AKAP6: variants seen among roughly 807,000 people sequenced by gnomAD.
AKAP6 encodes the protein A-kinase anchor protein 6.
AKAP6 carries 58 observed loss-of-function variants against 188.5 expected under a neutral mutation model. The observed-to-expected ratio is 0.31, with a 90% confidence interval of 0.25 to 0.38. AKAP6 has a LOEUF of 0.38. Ranked by LOEUF, AKAP6 falls within the 10% of genes least tolerant of loss-of-function variation. The pLI is 1.00. For synonymous variants in AKAP6, 989 were observed against 998.6 expected (o/e 0.99, Z 0.18); for missense variants, 2,710 against 2,740.0 (o/e 0.99, Z 0.24).
At chr14:32,589,493 AT>A (rs1885392436) in intron 5 of AKAP6, among the ~76,000 whole-genome samples, 1 of 152,178 alleles carries the variant, frequency 6.6e-6, no homozygotes, top group Non-Finnish European at 1.5e-5. Context: ...GTTTGGACAT[AT>A]GAAAGTCTTG....
chr14:32,724,445 T>C (rs1051335953), intron 9 of AKAP6, among the ~76,000 whole-genome samples: 1 of 152,218 alleles, frequency 6.6e-6, no homozygotes, highest in African/African-American at 2.4e-5. Context: ...TTCACATCCT[T>C]GGTGAAGGGA....
At chr14:32,334,394 A>G (rs945142552) in intron 1 of AKAP6, among the ~76,000 whole-genome samples, 1 of 152,094 alleles carries the variant, frequency 6.6e-6, no homozygotes, top group African/African-American at 2.4e-5. Flanking sequence ...TTGTTAAGTC[A>G]CTTAATAGCC....
chr14:32,385,022 A>G (rs1456043908), intron 1 of AKAP6: 2 of 152,014 alleles, frequency 1.3e-5, no homozygotes, highest in African/African-American at 4.8e-5. Flanking sequence ...ATCTGCAAGG[A>G]GCAAATTTGA....
At chr14:32,453,545 T>C (rs141290402) in intron 2 of AKAP6, among the ~76,000 whole-genome samples, 3,565 of 151,028 alleles carry the variant, frequency 0.024, 56 homozygotes, top group Middle Eastern at 0.041. Context: ...CCACTTGAAA[T>C]TCCTGTGGAG....
chr14:32,403,788 G>T (rs1889176887), intron 1 of AKAP6, among the ~76,000 whole-genome samples: 1 of 152,132 alleles, frequency 6.6e-6, no homozygotes, highest in Non-Finnish European at 1.5e-5. Context: ...TGCTTTTGTT[G>T]TTGTTCAACT....
intron 12 of AKAP6, among the ~76,000 whole-genome samples, chr14:32,821,073 C>T (rs1303009955): frequency 6.6e-6 from 1 of 152,136 alleles, no homozygotes; most frequent in Non-Finnish European, 1.5e-5. Context: ...CCTTCATTCA[C>T]CTGATAGTTT....
At chr14:32,751,573 T>C (rs956366932) in intron 11 of AKAP6, among the ~76,000 whole-genome samples, 5 of 148,354 alleles carry the variant, frequency 3.4e-5, no homozygotes, top group African/African-American at 1.2e-4. Context: ...ATCAGGAAAG[T>C]TTTACCCGCT....
chr14:32,789,462 AG>A (rs1208079084), intron 12 of AKAP6, among the ~76,000 whole-genome samples: 5 of 152,270 alleles, frequency 3.3e-5, no homozygotes, highest in Admixed American at 3.3e-4. Flanking sequence ...CACCTTCTAC[AG>A]GTGTGGTTGG....
chr14:32,390,996 C>A (rs1888697236), intron 1 of AKAP6, among the ~76,000 whole-genome samples: 1 of 152,086 alleles, frequency 6.6e-6, no homozygotes, highest in South Asian at 2.1e-4. Flanking sequence ...GTGCCTCACC[C>A]AGCAGGAAAA....
rs114454892 is a variant in AKAP6 at position 32,574,541 on chromosome 14, G to T, written c.2347-2579G>T. Among the ~76,000 whole-genome samples, 1,119 of 152,218 alleles carry T rather than the reference G, an allele frequency of 7.4e-3. 14 individuals carry two copies. The highest frequency in any genetic ancestry group is 0.019 in the African/African-American group (810 of 41,546). ...ACCATGCACTGACATACACACACAG[G>T]TTATTTGTGTTTGTTTTTGAAGGGG... On this transcript the variant is annotated intron_variant, in intron 4 of 13. Coordinates refer to ENST00000280979, the MANE Select transcript of AKAP6 (RefSeq NM_004274.5).
intron 3 of AKAP6, among the ~76,000 whole-genome samples, chr14:32,538,786 T>G (rs1372075762): frequency 6.6e-6 from 1 of 152,102 alleles, no homozygotes; most frequent in Admixed American, 6.6e-5. Flanking sequence ...AATTTAAGAA[T>G]AGGTTAAGTG....
At chr14:32,547,125 A>G (rs1883234784) in intron 4 of AKAP6, 126 bp downstream of exon 4, 3 of 961,448 alleles carry the variant, frequency 3.1e-6, no homozygotes. Context: ...GATTCTCCAA[A>G]GAAAGAAAAG....
chr14:32,549,453 A>G (rs1167426805), intron 4 of AKAP6, among the ~76,000 whole-genome samples: 1 of 152,154 alleles, frequency 6.6e-6, no homozygotes, highest in Non-Finnish European at 1.5e-5. Flanking sequence ...AATGAGAATG[A>G]GCATGGATAT....
At chr14:32,409,292 G>A (rs1364926966) in intron 1 of AKAP6, among the ~76,000 whole-genome samples, 1 of 152,218 alleles carries the variant, frequency 6.6e-6, no homozygotes, top group Admixed American at 6.5e-5. Flanking sequence ...AGATGACTAG[G>A]ATGTTTGAAG....
At chr14:32,573,489 C>T (rs187775945) in intron 4 of AKAP6, among the ~76,000 whole-genome samples, 1 of 152,052 alleles carries the variant, frequency 6.6e-6, no homozygotes, top group Admixed American at 6.6e-5. Context: ...AAGAGTGTCC[C>T]AACTCTTTAT....
intron 5 of AKAP6, among the ~76,000 whole-genome samples, chr14:32,588,673 T>G (rs1885353719): frequency 6.6e-6 from 1 of 152,200 alleles, no homozygotes; most frequent in Non-Finnish European, 1.5e-5. Context: ...ACCAAATTCC[T>G]ACAGACAGTG....
intron 5 of AKAP6, among the ~76,000 whole-genome samples, chr14:32,583,835 C>T (rs1885100574): frequency 6.6e-6 from 1 of 152,176 alleles, no homozygotes; most frequent in Non-Finnish European, 1.5e-5. Context: ...AGAAAAAGCG[C>T]ATTATTAGGG....
At chr14:32,585,906 G>C (rs1314529672) in intron 5 of AKAP6, among the ~76,000 whole-genome samples, 1 of 152,154 alleles carries the variant, frequency 6.6e-6, no homozygotes, top group Non-Finnish European at 1.5e-5. Flanking sequence ...GAGTCTCACA[G>C]GTTGGGGCTG....
chr14:32,757,688 A>G (rs1381618201), intron 11 of AKAP6, among the ~76,000 whole-genome samples: 1 of 152,240 alleles, frequency 6.6e-6, no homozygotes, highest in Non-Finnish European at 1.5e-5. Flanking sequence ...GTGGTGAGCC[A>G]TATATAGTCC....
Sources: allele counts gnomAD v4.1 joint callset (sites outside exome capture counted in the v4.1 genomes callset), GRCh38; gene constraint gnomAD v4.1.1; transcripts MANE v1.5; gene names NCBI Gene and HGNC (gene_info 2026-07-23, HGNC 2026-07-21).